CACNA2D3: variants seen among roughly 807,000 people sequenced by gnomAD.
The protein encoded by CACNA2D3 is calcium voltage-gated channel auxiliary subunit alpha2delta 3.
In CACNA2D3, 60 loss-of-function variants were observed where a neutral mutation model predicts 160.6. That is an observed-to-expected ratio of 0.37 (90% CI 0.30 to 0.46). CACNA2D3 has a LOEUF of 0.46. Among genes scored for constraint, CACNA2D3 ranks in the 20% least tolerant of loss-of-function variants. The pLI is 1.00. For missense variants in CACNA2D3, 1,205 were observed against 1,365.0 expected (o/e 0.88, Z 1.85); for synonymous variants, 558 against 492.9 (o/e 1.13, Z -1.75).
intron 11 of CACNA2D3, among the ~76,000 whole-genome samples, chr3:54,715,047 C>CT (rs1199692343): frequency 6.6e-6 from 1 of 152,164 alleles, no homozygotes; most frequent in Non-Finnish European, 1.5e-5. Flanking sequence ...AGTTCTGACA[C>CT]TATCTACCTG....
intron 3 of CACNA2D3, among the ~76,000 whole-genome samples, chr3:54,372,925 T>C (rs1025660081): frequency 6.6e-6 from 1 of 152,126 alleles, no homozygotes; most frequent in Non-Finnish European, 1.5e-5. Context: ...AATGGAAAAA[T>C]AACAAAAGTG....
At chr3:54,772,740 A>G (rs1702343024) in intron 13 of CACNA2D3, among the ~76,000 whole-genome samples, 1 of 152,234 alleles carries the variant, frequency 6.6e-6, no homozygotes, top group Admixed American at 6.5e-5. Flanking sequence ...AATACAAGTC[A>G]TGCATAGTCA....
intron 33 of CACNA2D3, 54 bp downstream of exon 33, chr3:55,007,896 A>G: frequency 4.1e-6 from 5 of 1,224,804 alleles, no homozygotes; most frequent in East Asian, 2.7e-5. Flanking sequence ...TCCTTTTTGT[A>G]TCATAAAGTG....
intron 8 of CACNA2D3, among the ~76,000 whole-genome samples, chr3:54,576,561 C>G (rs569877006): frequency 1.3e-5 from 2 of 152,252 alleles, no homozygotes; most frequent in East Asian, 3.9e-4. Flanking sequence ...GATGATGTGT[C>G]CCTTGCCTTC....
intron 27 of CACNA2D3, among the ~76,000 whole-genome samples, chr3:54,967,325 A>G (rs1040777331): frequency 6.6e-6 from 1 of 152,202 alleles, no homozygotes; most frequent in African/African-American, 2.4e-5. Context: ...CACAACAATG[A>G]TTACCCAAAT....
chr3:54,593,034 C>T (rs889735817), intron 9 of CACNA2D3, among the ~76,000 whole-genome samples: 1 of 152,128 alleles, frequency 6.6e-6, no homozygotes, highest in African/African-American at 2.4e-5. Context: ...TGCACATGGG[C>T]AAATGTTGCC....
intron 21 of CACNA2D3, 75 bp from the exon 22 acceptor site, chr3:54,885,206 C>T: frequency 6.6e-7 from 1 of 1,523,890 alleles, no homozygotes. Flanking sequence ...GCAGCCCTAC[C>T]CTAGAATATT....
chr3:54,695,026 T>G (rs1340813913), intron 11 of CACNA2D3, among the ~76,000 whole-genome samples: 1 of 151,518 alleles, frequency 6.6e-6, no homozygotes, highest in Non-Finnish European at 1.5e-5. Context: ...CATAAAATAT[T>G]TTTTTTTTGA....
At chr3:54,136,212 G>C (rs572430544) in intron 2 of CACNA2D3, among the ~76,000 whole-genome samples, 5 of 152,204 alleles carry the variant, frequency 3.3e-5, no homozygotes, top group Non-Finnish European at 7.3e-5. Context: ...TGTCATCAGG[G>C]AACAGTCCCC....
chr3:54,675,013 A>T (rs1700215887), intron 11 of CACNA2D3, among the ~76,000 whole-genome samples: 1 of 152,154 alleles, frequency 6.6e-6, no homozygotes, highest in South Asian at 2.1e-4. Context: ...TTCATGAGTG[A>T]TTAGGCAGTC....
chr3:54,992,952 T>G (rs1375292208), intron 31 of CACNA2D3, among the ~76,000 whole-genome samples: 1 of 152,096 alleles, frequency 6.6e-6, no homozygotes, highest in African/African-American at 2.4e-5. Context: ...TTCACATGGC[T>G]GAAGCAGGAG....
intron 27 of CACNA2D3, among the ~76,000 whole-genome samples, chr3:54,957,260 G>A (rs554841807): frequency 9.3e-4 from 141 of 152,006 alleles, no homozygotes; most frequent in African/African-American, 3.2e-3. Flanking sequence ...CCTGGGCTCA[G>A]GTGATCTTCC....
intron 32 of CACNA2D3, among the ~76,000 whole-genome samples, chr3:55,007,275 G>T (rs779679866): frequency 3.3e-5 from 5 of 152,182 alleles, no homozygotes; most frequent in Admixed American, 6.5e-5. Flanking sequence ...GTCCAAATAT[G>T]TAAGTGTGAG....
In CACNA2D3 at chr3:54,846,464, G is replaced by T. The variant is rs1255706449; in HGVS notation, c.1623G>T (p.Leu541=). Residue 541 remains leucine (L), a synonymous_variant, in exon 17 of 38, where the codon CTG becomes CTT. Coordinates refer to ENST00000474759, the MANE Select transcript of CACNA2D3 (RefSeq NM_018398.3). ...TCCTGACGCATCCGGAACTCAGGCT[G>T]CTGGTAAGAGAAATTATGTACTTCT... ...GYILTHPELR[L]LYEEGKKRRK... is the part of the protein sequence containing the mutation. The T allele has an allele frequency of 8.2e-6, 13 of 1,584,492 alleles. No homozygotes were observed. Among genetic ancestry groups the T allele is most frequent in the Non-Finnish European group, 1.1e-5 (13 of 1,159,940 alleles).
intron 3 of CACNA2D3, among the ~76,000 whole-genome samples, chr3:54,375,542 CT>C (rs1698999000): frequency 6.6e-6 from 1 of 152,032 alleles, no homozygotes; most frequent in African/African-American, 2.4e-5. Flanking sequence ...CAAGAATATC[CT>C]TGGTCAAGAG....
intron 11 of CACNA2D3, among the ~76,000 whole-genome samples, chr3:54,701,622 T>C (rs1327461203): frequency 6.6e-6 from 1 of 152,182 alleles, no homozygotes; most frequent in Non-Finnish European, 1.5e-5. Flanking sequence ...GAAAACACTT[T>C]ATGCTCATGG....
At chr3:54,169,789 G>A (rs553508733) in intron 2 of CACNA2D3, among the ~76,000 whole-genome samples, 1 of 152,042 alleles carries the variant, frequency 6.6e-6, no homozygotes, top group South Asian at 2.1e-4. Context: ...GGTGATGATG[G>A]ATCAGGGAAA....
chr3:54,946,401 C>T (rs1182213687), intron 27 of CACNA2D3, among the ~76,000 whole-genome samples: 1 of 152,182 alleles, frequency 6.6e-6, no homozygotes, highest in Non-Finnish European at 1.5e-5. Flanking sequence ...TGAGCTGTCA[C>T]ATCCTTCACT....
intron 2 of CACNA2D3, among the ~76,000 whole-genome samples, chr3:54,248,034 G>A (rs1702115209): frequency 1.3e-5 from 2 of 152,206 alleles, no homozygotes; most frequent in African/African-American, 4.8e-5. Flanking sequence ...CCCTGGATGA[G>A]AATGGGAATG....
Sources: allele counts gnomAD v4.1 joint callset (sites outside exome capture counted in the v4.1 genomes callset), GRCh38; gene constraint gnomAD v4.1.1; transcripts MANE v1.5; gene names NCBI Gene and HGNC (gene_info 2026-07-23, HGNC 2026-07-21).